C13orf46: variants seen among roughly 807,000 people sequenced by gnomAD.
C13orf46 encodes uncharacterized protein C13orf46.
downstream of C13orf46, among the ~76,000 whole-genome samples, chr13:113,948,764 G>A (rs1400126679): frequency 6.6e-6 from 1 of 152,226 alleles, no homozygotes; most frequent in Non-Finnish European, 1.5e-5. Flanking sequence ...AAACGCTACT[G>A]AGATAAATCG....
chr13:113,951,587 CA>C (rs1374714795), downstream of C13orf46, among the ~76,000 whole-genome samples: 4 of 151,048 alleles, frequency 2.6e-5, no homozygotes, highest in Non-Finnish European at 5.9e-5. Flanking sequence ...GCGCCTGCCC[CA>C]AGGCTGCACT....
chr13:113,934,888 A>G, the C13orf46 span, among the ~76,000 whole-genome samples: 1 of 152,248 alleles, frequency 6.6e-6, no homozygotes, highest in Non-Finnish European at 1.5e-5. Flanking sequence ...TCTGAAGAGA[A>G]GCAAGTTCTA....
downstream of C13orf46, among the ~76,000 whole-genome samples, chr13:113,950,714 G>A (rs1399709476): frequency 1.3e-5 from 2 of 152,346 alleles, no homozygotes; most frequent in African/African-American, 2.4e-5. Flanking sequence ...CTCTCCTGCA[G>A]GGCCCTGGGC....
chr13:113,930,057 T>C, the C13orf46 span, among the ~76,000 whole-genome samples: 127 of 152,320 alleles, frequency 8.3e-4, no homozygotes, highest in African/African-American at 2.9e-3. Flanking sequence ...TTATGCCACG[T>C]GCATTTCTGC....
At chr13:113,946,769 C>A in the C13orf46 span, among the ~76,000 whole-genome samples, 1 of 152,236 alleles carries the variant, frequency 6.6e-6, no homozygotes, top group Non-Finnish European at 1.5e-5. Flanking sequence ...TAGAGGGGTC[C>A]GAAGCCTGGT....
the C13orf46 span, among the ~76,000 whole-genome samples, chr13:113,945,136 G>C: frequency 3.9e-5 from 6 of 152,230 alleles, no homozygotes; most frequent in Admixed American, 2.6e-4. Flanking sequence ...CTCCAGGTGT[G>C]TGTCAGGCTC....
intron 1 of C13orf46, among the ~76,000 whole-genome samples, chr13:113,971,940 C>T (rs566167513): frequency 6.6e-6 from 1 of 152,186 alleles, no homozygotes; most frequent in African/African-American, 2.4e-5. Flanking sequence ...GCTCCTGGGC[C>T]GTGGTCTCGA....
chr13:113,954,205 T>C lies in C13orf46; in HGVS notation c.*2568A>G, dbSNP rs2052502480. 1.3e-5 allele frequency: 2 copies of C among 152,238 alleles called. No homozygotes were observed. The highest frequency in any genetic ancestry group is 6.5e-5 in the Admixed American group (1 of 15,292). 9.4% of individuals were successfully genotyped at this position (152,238 alleles called of 1,614,324 possible). On this transcript the variant is annotated 3_prime_UTR_variant, in exon 7 of 7. Transcript: ENST00000636427. ...CGGCCCCCATGTGTCTCCACGGGAA[T>C]AGACAGTGCACACAGCATCTCCGCC... is the stretch of plus-strand genomic sequence containing the variant.
chr13:113,933,563 T>C, the C13orf46 span, among the ~76,000 whole-genome samples: 3 of 152,216 alleles, frequency 2.0e-5, no homozygotes, highest in Non-Finnish European at 4.4e-5. Flanking sequence ...TGATTGGGAT[T>C]GTGTTGATTC....
At chr13:113,952,450 C>T (rs2052493171), downstream of C13orf46, among the ~76,000 whole-genome samples, 2 of 152,204 alleles carry the variant, frequency 1.3e-5, no homozygotes. Context: ...CCAAGGGGGC[C>T]ACCTCGGAGG....
chr13:113,952,705 G>C (rs1240271133), downstream of C13orf46, among the ~76,000 whole-genome samples: 11 of 152,168 alleles, frequency 7.2e-5, no homozygotes, highest in African/African-American at 2.7e-4. Context: ...GGGGAGCCTG[G>C]GCTTCCACCC....
the C13orf46 span, among the ~76,000 whole-genome samples, chr13:113,929,502 T>C: frequency 6.6e-6 from 1 of 152,372 alleles, no homozygotes; most frequent in East Asian, 1.9e-4. Flanking sequence ...GGGCCTCGAC[T>C]GTCCGAGTGT....
chr13:113,952,332 C>T (rs1270279435), downstream of C13orf46, among the ~76,000 whole-genome samples: 3 of 110,878 alleles, frequency 2.7e-5, no homozygotes, highest in African/African-American at 8.6e-5. Context: ...TGCCCAGGGC[C>T]GCTGTGTGGC....
downstream of C13orf46, among the ~76,000 whole-genome samples, chr13:113,952,583 ACTGGGCCTGGG>A (rs2052493641): frequency 6.6e-6 from 1 of 152,196 alleles, no homozygotes; most frequent in Non-Finnish European, 1.5e-5. Flanking sequence ...ACTGAGGCAG[ACTGGGCCTGGG>A]GCAACGGGGG....
chr13:113,964,432 G>A (rs2052617672), intron 6 of C13orf46, among the ~76,000 whole-genome samples: 1 of 152,132 alleles, frequency 6.6e-6, no homozygotes, highest in Non-Finnish European at 1.5e-5. Context: ...TCATCTCTTC[G>A]GAGGCTGCCT....
At chr13:113,953,490 G>A (rs2052497885), downstream of C13orf46, among the ~76,000 whole-genome samples, 3 of 152,212 alleles carry the variant, frequency 2.0e-5, no homozygotes, top group Middle Eastern at 3.4e-3. Context: ...CAGTGAAGGA[G>A]GAACAGAATT....
rs1364853809 is a variant in C13orf46, at chr13:113,955,963, C to G, written c.*810G>C. ...AGCATCTGGCGGAGACGAGGAGGAG[C>G]ATCTGGCGGAGACGAGGAGTAGGAT... On this transcript the variant is annotated 3_prime_UTR_variant, in exon 7 of 7. Transcript: ENST00000636427. The G allele has an allele frequency of 0.13, 18,119 of 140,696 alleles. 1,814 individuals are homozygous for G. Among genetic ancestry groups the G allele is most frequent in the Middle Eastern group, 0.2 (45 of 228 alleles). The allele number at this position is 140,696 out of a possible 1,614,324, so 8.7% of individuals were successfully genotyped here.
Position 113,954,953 on chromosome 13 carries a change from G to A in C13orf46, c.*1820C>T, listed in dbSNP as rs1201983539. On this transcript the variant is annotated 3_prime_UTR_variant, in exon 7 of 7. Coordinates refer to ENST00000636427, the MANE Select transcript of C13orf46 (RefSeq NM_001365455.2). ...CGGAGACGAGGAGGAGGATCTGGCGGAGACGAGGAGGAGGATCTGGCGGAG... is the reference window on the plus strand; with the variant it reads ...CGGAGACGAGGAGGAGGATCTGGCGAAGACGAGGAGGAGGATCTGGCGGAG... 8 of 171,272 alleles carry A rather than the reference G, an allele frequency of 4.7e-5. No individual in the cohort carries two copies. Among genetic ancestry groups the A allele is most frequent in the Admixed American group, 2.0e-4 (3 of 15,150 alleles). The allele number at this position is 171,272 out of a possible 1,614,324, so 10.6% of individuals were successfully genotyped here. A position where few individuals can be genotyped will look rare whatever the true frequency, so the allele number is the denominator to read the frequency against.
chr13:113,950,240 G>A (rs1463074804), downstream of C13orf46, among the ~76,000 whole-genome samples: 1 of 137,468 alleles, frequency 7.3e-6, no homozygotes, highest in Non-Finnish European at 1.5e-5. Flanking sequence ...CATCTGTAGA[G>A]TGGGGTCCTC....
Sources: gnomAD v4.1 joint callset for allele counts (sites outside exome capture counted in the v4.1 genomes callset) on GRCh38, gnomAD v4.1.1 for gene constraint, MANE v1.5 for transcripts, NCBI Gene and HGNC (gene_info 2026-07-23, HGNC 2026-07-21) for gene names.